TSNAX: variants seen among roughly 807,000 people sequenced by gnomAD.
The protein encoded by TSNAX is translin-associated protein X.
A neutral mutation model predicts 33.0 loss-of-function variants in TSNAX; 12 were observed. The ratio of observed to expected loss-of-function variants is 0.36; its 90% CI spans 0.23 to 0.59. The LOEUF (loss-of-function observed/expected upper bound fraction) is 0.59. Ranked by LOEUF, TSNAX falls within the 20% of genes least tolerant of loss-of-function variation. The pLI is 0.74. For missense variants in TSNAX, 267 were observed against 341.3 expected (o/e 0.78, Z 1.72); for synonymous variants, 110 against 117.2 (o/e 0.94, Z 0.40).
chr1:231,532,159 C>CACACACACACACACACACACACACACAT (rs1658783238), intron 2 of TSNAX, among the ~76,000 whole-genome samples: 7 of 89,340 alleles, frequency 7.8e-5, no homozygotes, highest in African/African-American at 2.7e-4. Context: ...CACACACACA[C>CACACACACACACACACACACACACACAT]ACACACACAC....
chr1:231,543,907 G>A (rs1012851381), intron 4 of TSNAX, among the ~76,000 whole-genome samples: 2 of 152,174 alleles, frequency 1.3e-5, no homozygotes, highest in African/African-American at 4.8e-5. Flanking sequence ...TTGTAAAGTG[G>A]CACAACCTGT....
chr1:231,553,748 G>A (rs778837210), intron 4 of TSNAX, among the ~76,000 whole-genome samples: 24 of 149,748 alleles, frequency 1.6e-4, no homozygotes, highest in Non-Finnish European at 3.0e-4. Flanking sequence ...GTGCAATGGC[G>A]AGATCTCGGC....
chr1:231,559,985 A>ATT (rs1220762707), intron 4 of TSNAX, among the ~76,000 whole-genome samples: 13 of 142,344 alleles, frequency 9.1e-5, no homozygotes, highest in African/African-American at 2.4e-4. Flanking sequence ...TATTATTATT[A>ATT]TTTTTTTTTT....
intron 1 of TSNAX, 105 bp from the exon 2 acceptor site, chr1:231,529,150 C>T (rs1243189449): frequency 8.8e-7 from 1 of 1,140,788 alleles, no homozygotes; most frequent in Non-Finnish European, 1.3e-6. Context: ...AAGGCGAGGG[C>T]CCTGTGGGTA....
At chr1:231,542,742 G>A (rs1046727893) in intron 4 of TSNAX, 131 bp downstream of exon 4, 9 of 1,112,296 alleles carry the variant, frequency 8.1e-6, no homozygotes, top group African/African-American at 7.9e-5. Context: ...CTGCAACTTT[G>A]TAGTAATATA....
chr1:231,560,406 T>TTC (rs1661003604), intron 4 of TSNAX, among the ~76,000 whole-genome samples: 14 of 32,050 alleles, frequency 4.4e-4, no homozygotes, highest in South Asian at 1.3e-3. Flanking sequence ...TTTTCTTTTC[T>TTC]CCCCCCCCCC....
chr1:231,533,397 G>A (rs564089248), intron 2 of TSNAX, among the ~76,000 whole-genome samples: 10 of 152,252 alleles, frequency 6.6e-5, no homozygotes, highest in Non-Finnish European at 1.0e-4. Context: ...CATCGCGCCC[G>A]GCCCGGAAAG....
intron 4 of TSNAX, among the ~76,000 whole-genome samples, chr1:231,551,854 T>G (rs1440983514): frequency 6.7e-6 from 1 of 149,242 alleles, no homozygotes; most frequent in African/African-American, 2.5e-5. Flanking sequence ...TAGCTAGGCA[T>G]AGTTGCTTGC....
At chr1:231,547,986 G>A (rs1221916205) in intron 4 of TSNAX, among the ~76,000 whole-genome samples, 4 of 151,682 alleles carry the variant, frequency 2.6e-5, no homozygotes, top group African/African-American at 4.8e-5. Context: ...GACTACAGGC[G>A]TCCGCTACCA....
chr1:231,538,501 C>T (rs1056688523), intron 3 of TSNAX, among the ~76,000 whole-genome samples: 3 of 152,274 alleles, frequency 2.0e-5, no homozygotes, highest in South Asian at 2.1e-4. Context: ...TGACCTGATT[C>T]CTTTGCCTGT....
intron 4 of TSNAX, among the ~76,000 whole-genome samples, chr1:231,550,335 G>A (rs1374846936): frequency 4.6e-5 from 7 of 152,148 alleles, no homozygotes; most frequent in African/African-American, 1.7e-4. Flanking sequence ...GGGGTGGGTG[G>A]GGGTGTTGTG....
intron 4 of TSNAX, among the ~76,000 whole-genome samples, chr1:231,548,022 A>G (rs910225203): frequency 2.0e-5 from 3 of 151,400 alleles, no homozygotes; most frequent in African/African-American, 7.3e-5. Flanking sequence ...TTGTATTTTT[A>G]GTAGAGACAG....
At chr1:231,553,901 G>T (rs1324392473) in intron 4 of TSNAX, among the ~76,000 whole-genome samples, 1 of 152,058 alleles carries the variant, frequency 6.6e-6, no homozygotes, top group Admixed American at 6.5e-5. Flanking sequence ...GGTCAGGCTG[G>T]TCTCGAACTC....
chr1:231,550,253 G>A (rs1306983287), intron 4 of TSNAX, among the ~76,000 whole-genome samples: 1 of 152,192 alleles, frequency 6.6e-6, no homozygotes, highest in Non-Finnish European at 1.5e-5. Flanking sequence ...TTTGGTTTGT[G>A]CACTGCAGCT....
intron 3 of TSNAX, 22 bp from the exon 4 acceptor site, chr1:231,542,459 G>A (rs1398504413): frequency 1.2e-6 from 2 of 1,611,240 alleles, no homozygotes; most frequent in Admixed American, 1.7e-5. Flanking sequence ...TGTTCTAAAA[G>A]TTCCCAATAT....
chr1:231,560,011 G>A (rs936147717), intron 4 of TSNAX, among the ~76,000 whole-genome samples: 1 of 147,706 alleles, frequency 6.8e-6, no homozygotes, highest in African/African-American at 2.5e-5. Flanking sequence ...GACGAGTCTC[G>A]CTCTGCCGCC....
In TSNAX at chr1:231,537,280, A is replaced by G. The variant is rs767919069; in HGVS notation, c.189A>G (p.Ile63Met). ...YERLVKLSRD[I>M]TVESKRTIFL... ...GACTTGTGAAACTTAGTCGGGATAT[A>G]ACTGTTGAAAGTAAAAGGACAATTT... The change falls in exon 3 of 6, where the codon ATA becomes ATG. Residue 63 changes from isoleucine (I) to methionine (M), a missense_variant. Coordinates refer to ENST00000366639, the MANE Select transcript of TSNAX (RefSeq NM_005999.3). 6.2e-7 allele frequency: 1 copy of G among 1,613,802 alleles called. No homozygotes were observed. The highest frequency in any genetic ancestry group is 1.1e-5 in the South Asian group (1 of 91,012).
Position 231,542,571 on chromosome 1 carries a change from A to C in TSNAX, c.327A>C (p.Ser109=). The change falls in exon 4 of 6, where the codon TCA becomes TCC. Residue 109 remains serine (S), a synonymous_variant. Transcript: ENST00000366639. ...TATTCCAGGTAGCCCAAGAGCTATC[A>C]GGGGAAGATATGCATCAGTTCCATC... is the stretch of plus-strand genomic sequence containing the variant. ...QKIFQVAQEL[S]GEDMHQFHRA... is the part of the protein sequence containing the mutation. The C allele has an allele frequency of 6.2e-7, 1 of 1,614,054 alleles. No individual in the cohort carries two copies. The highest frequency in any genetic ancestry group is 8.5e-7 in the Non-Finnish European group (1 of 1,179,968).
chr1:231,547,932 C>G lies in TSNAX; in HGVS notation c.367+5321C>G, dbSNP rs571254730. ...CTTGGCTCGCTGCAAGCTCCGCCTC[C>G]CAGGTTCATGCCATTCTCCTGCCTC... On this transcript the variant is annotated intron_variant, in intron 4 of 5. Transcript: ENST00000366639. Among the ~76,000 whole-genome samples, 63 of 151,266 alleles carry G rather than the reference C, an allele frequency of 4.2e-4. 1 individual carries two copies. The highest frequency in any genetic ancestry group is 1.4e-3 in the African/African-American group (59 of 41,072).
Sources: allele counts gnomAD v4.1 joint callset (sites outside exome capture counted in the v4.1 genomes callset), GRCh38; gene constraint gnomAD v4.1.1; transcripts MANE v1.5; gene names NCBI Gene and HGNC (gene_info 2026-07-23, HGNC 2026-07-21).